The following SLC5A10 variants were observed in gnomAD, a reference collection of about 807,000 sequenced individuals.
SLC5A10 encodes sodium/mannose cotransporter SLC5A10.
In SLC5A10, 55 loss-of-function variants were observed where a neutral mutation model predicts 68.9. The observed-to-expected ratio is 0.80, with a 90% CI of 0.64 to 1.00. SLC5A10 has a LOEUF of 1.00. SLC5A10 is among the 50% of genes least tolerant of loss of function. The probability of loss-of-function intolerance (pLI) is 0.00; values close to 1 mark genes in which losing one functional copy is unlikely to be tolerated. For synonymous variants in SLC5A10, 344 were observed against 344.8 expected (o/e 1.00, Z 0.02); for missense variants, 732 against 819.3 (o/e 0.89, Z 1.30).
rs376888753 is a variant in SLC5A10, at chr17:18,978,298, G to A, written c.982+1309G>A. 4.3e-6 allele frequency: 7 copies of A among 1,610,666 alleles called. No homozygotes were observed. The East Asian group carries it at 8.9e-5, about 21-fold the overall frequency. On this transcript the variant is annotated intron_variant, in intron 9 of 14. Transcript: ENST00000395645. ...TCTGCTTCCACAGCTGGTGCTGGGCGCTGGCCTGGGAGGTGTCACGGATCT... is the reference window on the plus strand; with the variant it reads ...TCTGCTTCCACAGCTGGTGCTGGGCACTGGCCTGGGAGGTGTCACGGATCT...
At position 19,021,928 on chromosome 17, in the gene SLC5A10, G is replaced by A. The variant is rs1460441203; in HGVS notation, c.*1497G>A. 1 of 1,469,408 alleles carries A rather than the reference G, an allele frequency of 6.8e-7. No homozygotes were observed. Among genetic ancestry groups the A allele is most frequent in the Non-Finnish European group, 9.0e-7 (1 of 1,111,040 alleles). 91.0% of individuals were successfully genotyped at this position (1,469,408 alleles called of 1,614,324 possible). On this transcript the variant is annotated 3_prime_UTR_variant, in exon 15 of 15. Transcript: ENST00000395645. The surrounding 1 kb of genome is among the most constrained non-coding windows in gnomAD (Gnocchi z 4.1). ...CTCTGGACCTCAGTTCCTGTAAAAA[G>A]GCCCGTTGGCCAGATCGGCCGCCGG...
intron 8 of SLC5A10, among the ~76,000 whole-genome samples, chr17:18,974,254 G>A (rs1567787614): frequency 6.6e-6 from 1 of 152,272 alleles, no homozygotes; most frequent in East Asian, 1.9e-4. Context: ...TTGAACTCCT[G>A]ACCTCAAGTA....
rs545470060 is a variant in SLC5A10 at position 19,021,814 on chromosome 17, G to T, written c.*1383G>T. 3.9e-6 allele frequency: 3 copies of T among 772,948 alleles called. No individual in the cohort carries two copies. The highest frequency in any genetic ancestry group is 5.4e-6 in the Non-Finnish European group (3 of 553,164). The allele number at this position is 772,948 out of a possible 1,614,324, so 47.9% of individuals were successfully genotyped here. A position where few individuals can be genotyped will look rare whatever the true frequency, so the allele number is the denominator to read the frequency against. On this transcript the variant is annotated 3_prime_UTR_variant, in exon 15 of 15. Coordinates refer to ENST00000395645, the MANE Select transcript of SLC5A10 (RefSeq NM_001042450.4). This position sits in a 1 kb window ranked among gnomAD's most constrained non-coding sequence, Gnocchi z 4.1. Reference sequence around the variant, plus strand: ...TGGGCCATCCCAGTTTGTGCAGAGCGGCCGGAGGCAGTTAGGAGCCCACGT... The same window carrying T: ...TGGGCCATCCCAGTTTGTGCAGAGCTGCCGGAGGCAGTTAGGAGCCCACGT...
At chr17:19,013,008 G>T (rs1397474132) in intron 9 of SLC5A10, among the ~76,000 whole-genome samples, 2 of 151,782 alleles carry the variant, frequency 1.3e-5, no homozygotes, top group African/African-American at 4.8e-5. Flanking sequence ...AACAGGTTGA[G>T]GGCCTGGGGC....
Position 19,021,481 on chromosome 17 carries a change from C to G in SLC5A10, c.*1050C>G. On this transcript the variant is annotated 3_prime_UTR_variant, in exon 15 of 15. Coordinates refer to ENST00000395645, the MANE Select transcript of SLC5A10 (RefSeq NM_001042450.4). The surrounding 1 kb of genome is among the most constrained non-coding windows in gnomAD (Gnocchi z 4.1). ...GTCAACAGGTGTGCAGTCTGTCCTTCGAGGCTGAGCCACCTCCCAACAGCC... is the reference window on the plus strand; with the variant it reads ...GTCAACAGGTGTGCAGTCTGTCCTTGGAGGCTGAGCCACCTCCCAACAGCC... 1 of 224,216 alleles carries G rather than the reference C, an allele frequency of 4.5e-6. No homozygotes were observed. The highest frequency in any genetic ancestry group is 8.7e-6 in the Non-Finnish European group (1 of 115,372). 13.9% of individuals were successfully genotyped at this position (224,216 alleles called of 1,614,324 possible). A position where few individuals can be genotyped will look rare whatever the true frequency, so the allele number is the denominator to read the frequency against.
At chr17:19,008,184 G>A (rs1268957114) in intron 9 of SLC5A10, among the ~76,000 whole-genome samples, 2 of 152,136 alleles carry the variant, frequency 1.3e-5, no homozygotes, top group African/African-American at 2.4e-5. Context: ...GGCTCATAGG[G>A]AATTGCATTT....
chr17:18,975,362 T>A (rs2042950591), intron 8 of SLC5A10, among the ~76,000 whole-genome samples: 1 of 152,042 alleles, frequency 6.6e-6, no homozygotes, highest in Non-Finnish European at 1.5e-5. Flanking sequence ...CTGGGAGCCG[T>A]CCGTTAAACT....
intron 9 of SLC5A10, among the ~76,000 whole-genome samples, chr17:18,988,722 T>C (rs1238447832): frequency 2.0e-5 from 3 of 152,234 alleles, no homozygotes; most frequent in Non-Finnish European, 4.4e-5. Flanking sequence ...ACCTGATGTG[T>C]CAATGACCGG....
chr17:18,972,311 C>G (rs975584122), intron 8 of SLC5A10, among the ~76,000 whole-genome samples: 1 of 152,210 alleles, frequency 6.6e-6, no homozygotes. Context: ...AGGGGTCCAC[C>G]ATAGGACAAG....
At position 19,002,317 on chromosome 17, in the gene SLC5A10, G is replaced by A. The variant is rs75471268; in HGVS notation, c.983-11093G>A. Among the ~76,000 whole-genome samples, 1,646 of 152,320 alleles carry A rather than the reference G, an allele frequency of 0.011. 120 individuals are homozygous for A. The East Asian group carries it at 0.19, about 18-fold the overall frequency. ...GCCAGGCGCCCCCACCCAGCTAGCT[G>A]ACCCAACTGGTCCCCTTGTTGGGCA... On this transcript the variant is annotated intron_variant, in intron 9 of 14. Coordinates refer to ENST00000395645, the MANE Select transcript of SLC5A10 (RefSeq NM_001042450.4).
intron 5 of SLC5A10, among the ~76,000 whole-genome samples, chr17:18,962,199 A>T (rs1367090184): frequency 6.6e-6 from 1 of 152,208 alleles, no homozygotes; most frequent in Non-Finnish European, 1.5e-5. Flanking sequence ...CACTGTGGTG[A>T]GAAATAGATG....
rs201372375 is a variant in SLC5A10 at position 19,020,133 on chromosome 17, T to C, written c.1627-22T>C. On this transcript the variant is annotated intron_variant, in intron 13 of 14. Transcript: ENST00000395645. The stretch of plus-strand genomic sequence containing the variant: ...CCCTGCCATCCCCCACCCCCAACCC[T>C]ATCCTCACTCATTTCTTACAGATTG... 8.4e-4 allele frequency: 455 copies of C among 543,128 alleles called. 1 individual carries two copies. In the African/African-American group the frequency reaches 8.7e-3, roughly 10 times the overall value. 33.6% of individuals were successfully genotyped at this position (543,128 alleles called of 1,614,324 possible). A position where few individuals can be genotyped will look rare whatever the true frequency, so the allele number is the denominator to read the frequency against.
intron 9 of SLC5A10, chr17:18,978,433 C>T: frequency 1.9e-6 from 3 of 1,599,454 alleles, no homozygotes; most frequent in South Asian, 1.1e-5. Flanking sequence ...CCCACGTGGG[C>T]AGGTACTCAA....
chr17:18,972,212 G>A (rs1391519849), intron 8 of SLC5A10, among the ~76,000 whole-genome samples: 1 of 152,184 alleles, frequency 6.6e-6, no homozygotes, highest in African/African-American at 2.4e-5. Flanking sequence ...AAAGGCCGTG[G>A]GCAGCTCCAG....
Position 18,959,682 on chromosome 17 carries a change from C to A in SLC5A10, c.348+19C>A. On this transcript the variant is annotated intron_variant, in intron 4 of 14. Transcript: ENST00000395645. ...CTCAGAGGTGAGTCTACTCATGGGG[C>A]CTCCAGCTGGGGGGCTGGGCCTTGG... 6.2e-7 allele frequency: 1 copy of A among 1,613,382 alleles called. No individual in the cohort carries two copies. Among genetic ancestry groups the A allele is most frequent in the Non-Finnish European group, 8.5e-7 (1 of 1,179,500 alleles).
At chr17:19,020,276 G>A (rs1389238798) in intron 14 of SLC5A10, 49 bp from the exon 15 acceptor site, 2 of 1,611,388 alleles carry the variant, frequency 1.2e-6, no homozygotes, top group Non-Finnish European at 1.7e-6. Context: ...GGCACCAGGT[G>A]TAACCTTGTG....
chr17:18,998,061 G>C (rs747348108), intron 9 of SLC5A10, among the ~76,000 whole-genome samples: 3 of 152,198 alleles, frequency 2.0e-5, no homozygotes, highest in Admixed American at 1.3e-4. Context: ...ACGGAAGCCT[G>C]TCTTCCCACC....
chr17:18,981,402 G>A (rs2043128875), intron 9 of SLC5A10, among the ~76,000 whole-genome samples: 1 of 152,214 alleles, frequency 6.6e-6, no homozygotes, highest in East Asian at 1.9e-4. Flanking sequence ...AAGAGCCTGA[G>A]CTTGGCCCTG....
At position 19,021,270 on chromosome 17, in the gene SLC5A10, C is replaced by T. The variant is rs1252477877; in HGVS notation, c.*839C>T. ...GGTCTCTGCGTGGCTGGGCCCAGGG[C>T]TTGCCCTCAGAGCTCACCTGTCCAA... is the stretch of plus-strand genomic sequence containing the variant. On this transcript the variant is annotated 3_prime_UTR_variant, in exon 15 of 15. Coordinates refer to ENST00000395645, the MANE Select transcript of SLC5A10 (RefSeq NM_001042450.4). The surrounding 1 kb of genome is among the most constrained non-coding windows in gnomAD (Gnocchi z 4.1). The T allele has an allele frequency of 6.6e-6, 1 of 152,494 alleles. No homozygotes were observed. The highest frequency in any genetic ancestry group is 1.5e-5 in the Non-Finnish European group (1 of 68,250). The allele number at this position is 152,494 out of a possible 1,614,324, so 9.4% of individuals were successfully genotyped here. A position where few individuals can be genotyped will look rare whatever the true frequency, so the allele number is the denominator to read the frequency against.
Sources: gnomAD v4.1 joint callset for allele counts (sites outside exome capture counted in the v4.1 genomes callset) on GRCh38, gnomAD v4.1.1 for gene constraint, Gnocchi (gnomAD v3.1) non-coding constraint, MANE v1.5 for transcripts, NCBI Gene and HGNC (gene_info 2026-07-23, HGNC 2026-07-21) for gene names.